The following CIC variants were observed in gnomAD, a reference collection of about 807,000 sequenced individuals.
CIC encodes protein capicua homolog.
CIC carries 18 observed loss-of-function variants against 115.7 expected under a neutral mutation model. That is an observed-to-expected ratio of 0.16 (90% CI 0.11 to 0.23). CIC has a LOEUF of 0.23. CIC is among the 10% of genes least tolerant of loss of function. CIC has a pLI of 1.00. For missense variants in CIC, 2,000 were observed against 2,159.3 expected, an observed-to-expected ratio of 0.93 and a Z score of 1.46; for synonymous variants, 1,076 against 923.0, an observed-to-expected ratio of 1.17 and a Z score of -3.01.
rs1599903853 is a variant in CIC, at chr19:42,289,218, C to T, written c.3899C>T (p.Pro1300Leu). 3 of 1,613,450 alleles carry T rather than the reference C, an allele frequency of 1.9e-6. No homozygotes were observed. Among genetic ancestry groups the T allele is most frequent in the African/African-American group, 1.3e-5 (1 of 75,066 alleles). Reference protein sequence around the residue: ...SGPASYSGPKPSTQYGAPGPF... With the variant: ...SGPASYSGPKLSTQYGAPGPF... ...CCTGCATCGTACTCTGGCCCAAAGC[C>T]TTCTACCCAGTATGGAGCTCCAGGA... The change falls in exon 9 of 21, where the codon CCT becomes CTT. Residue 1300 changes from proline to leucine, a missense_variant. By Grantham distance (98) the Pro-to-Leu change is moderately conservative (BLOSUM62 -3). This residue lies in a region of CIC where 1,466 missense variants were observed against 1,390.4 expected (regional missense o/e 1.05). Transcript: ENST00000681038.
chr19:42,295,298 CA>C lies in CIC; in HGVS notation c.*108del. On this transcript the variant is annotated 3_prime_UTR_variant, in exon 21 of 21. Transcript: ENST00000681038. Reference sequence around the variant, plus strand: ...CCGGGTAAAGCCATTTCGTCCTCTCCAGTTTGGGGCGGAATGAGGCCTGCTC... The same window carrying C: ...CCGGGTAAAGCCATTTCGTCCTCTCCGTTTGGGGCGGAATGAGGCCTGCTC... The C allele has an allele frequency of 9.8e-7, 1 of 1,017,490 alleles. No homozygotes were observed. Among genetic ancestry groups the C allele is most frequent in the Non-Finnish European group, 1.4e-6 (1 of 694,326 alleles). 63.0% of individuals were successfully genotyped at this position (1,017,490 alleles called of 1,614,324 possible).
chr19:42,286,434 G>A (rs1028027994), intron 2 of CIC, among the ~76,000 whole-genome samples: 2 of 152,046 alleles, frequency 1.3e-5, no homozygotes, highest in East Asian at 1.9e-4. Flanking sequence ...TGGGAGTGTG[G>A]GATGGCAGCC....
chr19:42,286,541 G>A (rs2037655568), intron 2 of CIC, among the ~76,000 whole-genome samples: 2 of 151,820 alleles, frequency 1.3e-5, no homozygotes, highest in African/African-American at 4.8e-5. Flanking sequence ...AGTGGGGCGT[G>A]AGTACTATTT....
At chr19:42,284,804 G>T in intron 2 of CIC, 1 of 1,526,536 alleles carries the variant, frequency 6.6e-7, no homozygotes, top group Non-Finnish European at 8.8e-7. Flanking sequence ...GACTGCAGGG[G>T]TCAAGGTGTC....
chr19:42,294,533 G>A (rs758370004), intron 19 of CIC, 71 bp from the exon 20 acceptor site: 19 of 1,603,554 alleles, frequency 1.2e-5, no homozygotes. Context: ...GGGCTTGGGT[G>A]GGCACTCAGA....
intron 7 of CIC, among the ~76,000 whole-genome samples, chr19:42,288,536 A>G (rs2037829983): frequency 1.3e-5 from 2 of 152,044 alleles, no homozygotes. Flanking sequence ...GTTGCTATGG[A>G]TATGCACTTC....
intron 19 of CIC, 95 bp downstream of exon 19, chr19:42,294,399 C>T (rs2147346926): frequency 3.2e-6 from 5 of 1,586,532 alleles, no homozygotes; most frequent in South Asian, 2.2e-5. Flanking sequence ...AGGGTGGGTC[C>T]ATCCAGGCTG....
In CIC at chr19:42,280,016, C is replaced by G. The variant is rs2147078753; in HGVS notation, c.2794+5439C>G. On this transcript the variant is annotated intron_variant, in intron 2 of 20. Coordinates refer to ENST00000681038, the MANE Select transcript of CIC (RefSeq NM_001386298.1). The surrounding 1 kb of genome is among the most constrained non-coding windows in gnomAD (Gnocchi z 4.9). ...GGGGTTGGGGGGTACGTCCCGGAGC[C>G]CCCGGTGCCCGGGTATTAATGGCTC... The G allele has an allele frequency of 6.6e-6, 1 of 152,432 alleles. No homozygotes were observed. The highest frequency in any genetic ancestry group is 1.5e-5 in the Non-Finnish European group (1 of 68,080). 9.4% of individuals were successfully genotyped at this position (152,432 alleles called of 1,614,324 possible).
intron 2 of CIC, chr19:42,284,543 C>T (rs866863250): frequency 8.9e-5 from 15 of 168,168 alleles, no homozygotes; most frequent in African/African-American, 4.2e-4. Context: ...GAGACCCCCG[C>T]GTGGGGCGGC....
intron 2 of CIC, among the ~76,000 whole-genome samples, chr19:42,281,456 G>A (rs1391581345): frequency 6.6e-6 from 1 of 152,206 alleles, no homozygotes; most frequent in African/African-American, 2.4e-5. Flanking sequence ...CACAGTGGGG[G>A]CTGTTTAGGG....
chr19:42,278,930 A>T (rs1488226120), intron 2 of CIC, among the ~76,000 whole-genome samples: 1 of 152,218 alleles, frequency 6.6e-6, no homozygotes, highest in Non-Finnish European at 1.5e-5. Context: ...GGCTGTATGG[A>T]CCAAGCTAGG....
intron 2 of CIC, among the ~76,000 whole-genome samples, chr19:42,283,561 G>A: frequency 6.6e-6 from 1 of 152,160 alleles, no homozygotes; most frequent in Non-Finnish European, 1.5e-5. Context: ...TGTCTGTGAG[G>A]AGTGTGAGTG....
intron 16 of CIC, 24 bp downstream of exon 16, chr19:42,293,305 C>A (rs1452663586): frequency 5.1e-5 from 79 of 1,545,424 alleles, no homozygotes; most frequent in Non-Finnish European, 6.7e-5. Flanking sequence ...GGCCGTGGGG[C>A]TCCCACTGCC....
intron 2 of CIC, among the ~76,000 whole-genome samples, chr19:42,282,638 C>T (rs757730462): frequency 6.6e-6 from 1 of 152,206 alleles, no homozygotes; most frequent in Non-Finnish European, 1.5e-5. Context: ...TGAGGTTAAG[C>T]CTTGAGTAAT....
chr19:42,270,643 G>T lies in CIC; in HGVS notation c.-10-1131G>T, dbSNP rs1004012028. 5.3e-5 allele frequency among the ~76,000 whole-genome samples: 8 copies of T among 152,114 alleles called. No individual in the cohort carries two copies. Among genetic ancestry groups the T allele is most frequent in the African/African-American group, 1.7e-4 (7 of 41,420 alleles). On this transcript the variant is annotated intron_variant, in intron 1 of 20. Coordinates refer to ENST00000681038, the MANE Select transcript of CIC (RefSeq NM_001386298.1). This position sits in a 1 kb window ranked among gnomAD's most constrained non-coding sequence, Gnocchi z 4.1. ...GAGGGCATATTTGGGGGCCTGCGGG[G>T]GGCTAGCCGACTCAGCCACCCTGCC...
chr19:42,275,680 TA>T (rs1282176221), intron 2 of CIC, among the ~76,000 whole-genome samples: 12 of 152,180 alleles, frequency 7.9e-5, no homozygotes, highest in Non-Finnish European at 1.5e-5. Context: ...TTTATGTATA[TA>T]TTTTTTTATT....
intron 1 of CIC, 65 bp downstream of exon 1, chr19:42,269,446 A>C (rs1599840862): frequency 9.1e-6 from 1 of 109,396 alleles, no homozygotes; most frequent in African/African-American, 3.6e-5. Context: ...CCGAGAGGGG[A>C]CAGGTGGCAG....
At chr19:42,275,732 T>C (rs959031054) in intron 2 of CIC, among the ~76,000 whole-genome samples, 1 of 152,222 alleles carries the variant, frequency 6.6e-6, no homozygotes, top group African/African-American at 2.4e-5. Flanking sequence ...CAGGCTGGTC[T>C]CGAATTCCTG....
rs2147202917 is a variant in CIC, at chr19:42,287,749, T to C, written c.3492+22T>C. 1 of 1,614,114 alleles carries C rather than the reference T, an allele frequency of 6.2e-7. No individual in the cohort carries two copies. The highest frequency in any genetic ancestry group is 1.1e-5 in the South Asian group (1 of 91,074). On this transcript the variant is annotated intron_variant, in intron 6 of 20. Transcript: ENST00000681038. This position sits in a 1 kb window ranked among gnomAD's most constrained non-coding sequence, Gnocchi z 8.7. ...CCAGGTAACGCTGTTGCCTCTTGGCTCCTCCCAGCTTCTTCTGGTGGGGTG... is the reference window on the plus strand; with the variant it reads ...CCAGGTAACGCTGTTGCCTCTTGGCCCCTCCCAGCTTCTTCTGGTGGGGTG...
Sources: gnomAD v4.1 joint callset for allele counts (sites outside exome capture counted in the v4.1 genomes callset) on GRCh38, gnomAD v4.1.1 for gene constraint, gnomAD v4.1.1 regional missense constraint, Gnocchi (gnomAD v3.1) non-coding constraint, MANE v1.5 for transcripts, NCBI Gene and HGNC (gene_info 2026-07-23, HGNC 2026-07-21) for gene names.